The following PDE1A variants were observed in gnomAD, a reference collection of about 807,000 sequenced individuals.
The protein encoded by PDE1A is phosphodiesterase 1A.
Under a neutral mutation model 61.7 loss-of-function variants are expected in PDE1A, and 35 were observed. That is an observed-to-expected ratio of 0.57 (90% CI 0.43 to 0.75). PDE1A has a LOEUF of 0.75. PDE1A is among the 30% of genes least tolerant of loss of function. The pLI is 0.00. For missense variants in PDE1A, 597 were observed against 630.6 expected (o/e 0.95, Z 0.57); for synonymous variants, 232 against 213.2 (o/e 1.09, Z -0.77).
chr2:182,567,757 A>G, the PDE1A span, among the ~76,000 whole-genome samples: 1,495 of 151,678 alleles, frequency 9.9e-3, 19 homozygotes, highest in African/African-American at 0.034. Context: ...TAACGTATAA[A>G]TCATTTTAAT....
In PDE1A at chr2:182,173,951, A is replaced by C. The variant is rs578157073; in HGVS notation, c.1517-5661T>G. ...TGACATGTTTTCGTTACTTTCAAAA[A>C]ATCAATTTTTACTTTCTCTAAGCAA... On this transcript the variant is annotated intron_variant, in intron 13 of 13. Coordinates refer to ENST00000351439, the Ensembl canonical transcript of PDE1A. Among the ~76,000 whole-genome samples the C allele has an allele frequency of 3.9e-4, 60 of 152,022 alleles. 2 individuals carry two copies. In the South Asian group the frequency reaches 0.011, roughly 28 times the overall value.
chr2:182,380,756 A>G (rs1157534878), intron 1 of PDE1A, among the ~76,000 whole-genome samples: 2 of 152,206 alleles, frequency 1.3e-5, no homozygotes, highest in Non-Finnish European at 2.9e-5. Flanking sequence ...TTATTATTTG[A>G]GGATAATTAT....
chr2:182,406,099 T>C (rs990683641), intron 1 of PDE1A, among the ~76,000 whole-genome samples: 1 of 152,104 alleles, frequency 6.6e-6, no homozygotes, highest in Non-Finnish European at 1.5e-5. Context: ...TTGAGCATGC[T>C]GTTAAGCACT....
At chr2:182,715,294 T>C in the PDE1A span, among the ~76,000 whole-genome samples, 51 of 152,204 alleles carry the variant, frequency 3.4e-4, no homozygotes, top group Non-Finnish European at 6.5e-4. Flanking sequence ...AATGAGTTAC[T>C]ACATGTGTGC....
At chr2:182,710,231 T>A in the PDE1A span, among the ~76,000 whole-genome samples, 1 of 152,216 alleles carries the variant, frequency 6.6e-6, no homozygotes, top group Non-Finnish European at 1.5e-5. Context: ...TTTAAAATAT[T>A]TAATTGACAA....
At chr2:182,571,599 A>G in the PDE1A span, among the ~76,000 whole-genome samples, 1 of 152,136 alleles carries the variant, frequency 6.6e-6, no homozygotes, top group Non-Finnish European at 1.5e-5. Context: ...ATAACATTCA[A>G]TGGCACTTTC....
chr2:182,185,599 A>T (rs1266151628), intron 13 of PDE1A, among the ~76,000 whole-genome samples: 2 of 152,224 alleles, frequency 1.3e-5, no homozygotes, highest in African/African-American at 4.8e-5. Context: ...AGGAGTTTAT[A>T]TGGTACCACA....
the PDE1A span, among the ~76,000 whole-genome samples, chr2:182,623,939 C>T: frequency 1.3e-5 from 2 of 151,938 alleles, no homozygotes; most frequent in Non-Finnish European, 2.9e-5. Flanking sequence ...TCCTGGCTAA[C>T]ACCGTGAAAC....
the PDE1A span, among the ~76,000 whole-genome samples, chr2:182,558,574 C>A: frequency 6.6e-6 from 1 of 152,146 alleles, no homozygotes; most frequent in Non-Finnish European, 1.5e-5. Context: ...AAGATCATGT[C>A]AGTTTTTTCC....
At chr2:182,231,288 G>A (rs543419398) in intron 4 of PDE1A, among the ~76,000 whole-genome samples, 157 bp from the exon 5 acceptor site, 6 of 152,262 alleles carry the variant, frequency 3.9e-5, no homozygotes, top group South Asian at 4.1e-4. Flanking sequence ...GGACCACTTA[G>A]TATCCATGGG....
chr2:182,649,917 AT>A, the PDE1A span, among the ~76,000 whole-genome samples: 6 of 151,532 alleles, frequency 4.0e-5, no homozygotes, highest in East Asian at 1.9e-4. Flanking sequence ...CTACAAAAAA[AT>A]TTTTTTTTAA....
At chr2:182,698,193 C>T in the PDE1A span, among the ~76,000 whole-genome samples, 2 of 152,080 alleles carry the variant, frequency 1.3e-5, no homozygotes. Context: ...AAATATGGCT[C>T]CTCAGTCCAG....
intron 10 of PDE1A, among the ~76,000 whole-genome samples, chr2:182,190,774 G>A (rs953439593): frequency 2.0e-5 from 3 of 152,018 alleles, no homozygotes; most frequent in Non-Finnish European, 4.4e-5. Flanking sequence ...TGGCCAACAT[G>A]GTGAAACACC....
chr2:182,671,176 T>A, the PDE1A span, among the ~76,000 whole-genome samples: 4 of 149,946 alleles, frequency 2.7e-5, no homozygotes, highest in African/African-American at 9.9e-5. Context: ...TGGATCACAC[T>A]TTTTTTTCTT....
the PDE1A span, among the ~76,000 whole-genome samples, chr2:182,603,944 C>T: frequency 6.6e-6 from 1 of 151,940 alleles, no homozygotes; most frequent in Admixed American, 6.6e-5. Context: ...CCTACTAATA[C>T]TTCATTGGGT....
chr2:182,305,873 C>A (rs1695549921), intron 1 of PDE1A, among the ~76,000 whole-genome samples: 1 of 152,032 alleles, frequency 6.6e-6, no homozygotes, highest in African/African-American at 2.4e-5. Flanking sequence ...CAAACATTTA[C>A]TATTTTTTGT....
the PDE1A span, among the ~76,000 whole-genome samples, chr2:182,575,571 C>T: frequency 6.6e-6 from 1 of 151,416 alleles, no homozygotes; most frequent in East Asian, 2.0e-4. Flanking sequence ...TGAGTGGTGC[C>T]ACTTCCACTT....
At chr2:182,587,796 C>T in the PDE1A span, among the ~76,000 whole-genome samples, 2,567 of 152,094 alleles carry the variant, frequency 0.017, 34 homozygotes, top group Middle Eastern at 0.031. Flanking sequence ...ATGTCTAATA[C>T]GTTCATTACA....
chr2:182,204,582 A>G (rs941862031), intron 8 of PDE1A, among the ~76,000 whole-genome samples: 1 of 152,170 alleles, frequency 6.6e-6, no homozygotes, highest in Admixed American at 6.5e-5. Context: ...TATATTTTCT[A>G]TTCTTTATGA....
Sources: allele counts gnomAD v4.1 joint callset (sites outside exome capture counted in the v4.1 genomes callset), GRCh38; gene constraint gnomAD v4.1.1; transcripts MANE v1.5; gene names NCBI Gene and HGNC (gene_info 2026-07-23, HGNC 2026-07-21).